The following SLC44A5 variants were observed in gnomAD, a reference collection of about 807,000 sequenced individuals.
The protein encoded by SLC44A5 is solute carrier family 44 member 5, also known as choline transporter-like protein 5.
Under a neutral mutation model 101.8 loss-of-function variants are expected in SLC44A5, and 57 were observed. The observed-to-expected ratio is 0.56, with a 90% CI of 0.45 to 0.70. The LOEUF is 0.70. Ranked by LOEUF, SLC44A5 falls within the 30% of genes least tolerant of loss-of-function variation. SLC44A5 has a pLI of 0.00. For missense variants in SLC44A5, 737 were observed against 853.1 expected, an observed-to-expected ratio of 0.86 and a Z score of 1.70; for synonymous variants, 281 against 290.9, an observed-to-expected ratio of 0.97 and a Z score of 0.35.
the SLC44A5 span, among the ~76,000 whole-genome samples, chr1:75,655,130 C>T: frequency 1.3e-5 from 2 of 152,102 alleles, no homozygotes; most frequent in African/African-American, 4.8e-5. Context: ...TCTTATAGAG[C>T]ATCAAATAAA....
intron 10 of SLC44A5, among the ~76,000 whole-genome samples, chr1:75,237,747 C>G (rs1235487581): frequency 2.6e-5 from 4 of 152,018 alleles, no homozygotes; most frequent in Non-Finnish European, 4.4e-5. Flanking sequence ...TATTTTGAGA[C>G]TTCTTTTACA....
At chr1:75,583,817 A>G (rs1673839630) in intron 1 of SLC44A5, among the ~76,000 whole-genome samples, 1 of 152,214 alleles carries the variant, frequency 6.6e-6, no homozygotes, top group African/African-American at 2.4e-5. Context: ...GGGCTTCCCA[A>G]CATGTGATTT....
chr1:75,480,561 G>A (rs987080196), intron 2 of SLC44A5, among the ~76,000 whole-genome samples: 2 of 152,030 alleles, frequency 1.3e-5, no homozygotes, highest in African/African-American at 4.8e-5. Flanking sequence ...AAAATCTCAG[G>A]ATACAAAATC....
chr1:75,350,726 T>C (rs1254842854), intron 3 of SLC44A5, among the ~76,000 whole-genome samples: 1 of 151,078 alleles, frequency 6.6e-6, no homozygotes, highest in Non-Finnish European at 1.5e-5. Context: ...AACCCTGTCT[T>C]TACTAAAGAC....
chr1:75,321,422 A>C (rs912790947), intron 4 of SLC44A5, among the ~76,000 whole-genome samples: 1 of 151,520 alleles, frequency 6.6e-6, no homozygotes, highest in African/African-American at 2.4e-5. Context: ...TTTCTAGATG[A>C]ATGCCTTCTT....
intron 3 of SLC44A5, among the ~76,000 whole-genome samples, chr1:75,358,003 TACACAC>T (rs145085735): frequency 7.2e-6 from 1 of 139,056 alleles, no homozygotes; most frequent in African/African-American, 2.5e-5. Context: ...CAATGTCACT[TACACAC>T]ACACACACAC....
rs10493565 is a variant in SLC44A5 at position 75,234,086 on chromosome 1, A to G, written c.753T>C (p.Ile251=). The change falls in exon 12 of 24, where the codon ATT becomes ATC. Residue 251 remains isoleucine, a synonymous_variant. Coordinates refer to ENST00000370859, the MANE Select transcript of SLC44A5 (RefSeq NM_001130058.2). ...TWYWILIGLT[I]AMVLSWIFLI... is the part of the protein sequence containing the mutation. ...AAAATATCCAACTAAGGACCATGGC[A>G]ATCGTCAGGCCACTAGAAAAAACCC... 0.27 allele frequency: 435,455 copies of G among 1,610,428 alleles called. 61,116 individuals carry two copies. Among genetic ancestry groups the G allele is most frequent in the Middle Eastern group, 0.36 (2,195 of 6,048 alleles).
chr1:75,467,333 T>G (rs919188545), intron 2 of SLC44A5, among the ~76,000 whole-genome samples: 1 of 152,158 alleles, frequency 6.6e-6, no homozygotes, highest in Non-Finnish European at 1.5e-5. Context: ...AAAACAATCC[T>G]AAAATTTATA....
rs761306438 is a variant in SLC44A5, at chr1:75,327,164, T to A, written c.101+12418A>T. Among the ~76,000 whole-genome samples, 340 of 152,134 alleles carry A rather than the reference T, an allele frequency of 2.2e-3. 2 individuals carry two copies. Among genetic ancestry groups the A allele is most frequent in the Non-Finnish European group, 4.5e-3 (308 of 67,968 alleles). ...ATTACCAAAAACATGAGATTAGTAA[T>A]GATTATGAGGAACACAACTTTGCCA... On this transcript the variant is annotated intron_variant, in intron 4 of 23. Coordinates refer to ENST00000370859, the MANE Select transcript of SLC44A5 (RefSeq NM_001130058.2).
intron 15 of SLC44A5, 41 bp from the exon 16 acceptor site, chr1:75,219,385 T>A (rs373408999): frequency 7.3e-7 from 1 of 1,371,100 alleles, no homozygotes; most frequent in Non-Finnish European, 1.0e-6. Flanking sequence ...TGCTGGTAGA[T>A]TGAAAATAAA....
chr1:75,517,353 G>A (rs949909539), intron 2 of SLC44A5, among the ~76,000 whole-genome samples: 1 of 151,802 alleles, frequency 6.6e-6, no homozygotes, highest in Non-Finnish European at 1.5e-5. Flanking sequence ...AGAACACCAA[G>A]GCACAATAGA....
At chr1:75,607,205 G>C (rs2102171532) in intron 1 of SLC44A5, among the ~76,000 whole-genome samples, 1 of 152,152 alleles carries the variant, frequency 6.6e-6, no homozygotes, top group South Asian at 2.1e-4. Flanking sequence ...AATAGTAGTT[G>C]ATGCCAAGTC....
intron 1 of SLC44A5, among the ~76,000 whole-genome samples, chr1:75,602,570 T>C (rs763189699): frequency 3.3e-5 from 5 of 152,034 alleles, no homozygotes; most frequent in Admixed American, 6.6e-5. Flanking sequence ...GCAATAATGG[T>C]CCTCCTTTAG....
chr1:75,387,282 A>C (rs1256497573), intron 3 of SLC44A5, among the ~76,000 whole-genome samples: 9 of 150,866 alleles, frequency 6.0e-5, no homozygotes, highest in African/African-American at 2.0e-4. Flanking sequence ...CAACCTACAA[A>C]ATGGGAGAAA....
intron 2 of SLC44A5, among the ~76,000 whole-genome samples, chr1:75,471,222 G>A (rs908363308): frequency 2.0e-5 from 3 of 151,946 alleles, no homozygotes; most frequent in Admixed American, 2.0e-4. Context: ...GCAAGTCTAA[G>A]GGCACCTTTC....
chr1:75,215,680 A>T, intron 19 of SLC44A5, 74 bp downstream of exon 19: 1 of 840,838 alleles, frequency 1.2e-6, no homozygotes, highest in Non-Finnish European at 2.0e-6. Context: ...AAAGTACTTT[A>T]GAGAGGGCAA....
intron 14 of SLC44A5, among the ~76,000 whole-genome samples, chr1:75,222,144 C>T (rs150358130): frequency 0.024 from 3,714 of 151,946 alleles, 152 homozygotes; most frequent in African/African-American, 0.078. Context: ...TTAGTAGAGA[C>T]GGGGTTTCTC....
At chr1:75,491,635 A>G (rs1478358155) in intron 2 of SLC44A5, among the ~76,000 whole-genome samples, 1 of 152,138 alleles carries the variant, frequency 6.6e-6, no homozygotes, top group Non-Finnish European at 1.5e-5. Context: ...TCCCAAAACC[A>G]TATACAGCTG....
At chr1:75,348,871 A>G (rs1658438750) in intron 3 of SLC44A5, among the ~76,000 whole-genome samples, 1 of 152,246 alleles carries the variant, frequency 6.6e-6, no homozygotes, top group African/African-American at 2.4e-5. Context: ...GTTACCTAGT[A>G]GATTTGAAAA....
Sources: gnomAD v4.1 joint callset for allele counts (sites outside exome capture counted in the v4.1 genomes callset) on GRCh38, gnomAD v4.1.1 for gene constraint, MANE v1.5 for transcripts, NCBI Gene and HGNC (gene_info 2026-07-23, HGNC 2026-07-21) for gene names.